The following ITCH variants were observed in gnomAD, a reference collection of about 807,000 sequenced individuals.
The protein encoded by ITCH is itchy E3 ubiquitin protein ligase.
Under a neutral mutation model 126.8 loss-of-function variants are expected in ITCH, and 28 were observed. That is an observed-to-expected ratio of 0.22 (90% CI 0.16 to 0.30). ITCH has a LOEUF of 0.30. Among genes scored for constraint, ITCH ranks in the 10% least tolerant of loss-of-function variants. ITCH has a pLI of 1.00. For synonymous variants in ITCH, 342 were observed against 340.0 expected (o/e 1.01, Z -0.06); for missense variants, 631 against 1,032.4 (o/e 0.61, Z 5.33).
chr20:34,365,111 A>G (rs2037369021), intron 1 of ITCH, among the ~76,000 whole-genome samples: 1 of 151,832 alleles, frequency 6.6e-6, no homozygotes, highest in African/African-American at 2.4e-5. Flanking sequence ...GAGGTGGGGG[A>G]ATCACCTGAT....
intron 13 of ITCH, among the ~76,000 whole-genome samples, chr20:34,458,894 G>C (rs937701111): frequency 6.6e-6 from 1 of 152,208 alleles, no homozygotes; most frequent in African/African-American, 2.4e-5. Context: ...TGAGGGCCAG[G>C]ATATAAACGT....
At chr20:34,411,425 A>T (rs1979021094) in intron 4 of ITCH, among the ~76,000 whole-genome samples, 1 of 152,224 alleles carries the variant, frequency 6.6e-6, no homozygotes, top group African/African-American at 2.4e-5. Context: ...AAGTGCTGGG[A>T]TTACAGGCGT....
intron 3 of ITCH, chr20:34,401,551 C>A: frequency 1.5e-6 from 1 of 658,338 alleles, no homozygotes; most frequent in Non-Finnish European, 1.9e-6. Flanking sequence ...AGTAAAAAGG[C>A]AACTAACTTT....
At chr20:34,457,781 C>T (rs1600391025) in intron 13 of ITCH, among the ~76,000 whole-genome samples, 1 of 152,030 alleles carries the variant, frequency 6.6e-6, no homozygotes, top group South Asian at 2.1e-4. Flanking sequence ...GACCCTGTCT[C>T]TACAAAAAAA....
intron 20 of ITCH, among the ~76,000 whole-genome samples, chr20:34,488,961 C>T (rs1453046316): frequency 2.6e-5 from 4 of 152,236 alleles, no homozygotes; most frequent in Middle Eastern, 3.4e-3. Flanking sequence ...ATTGCTTGAG[C>T]CCAGGAGGTC....
At chr20:34,429,744 G>A (rs1402567871) in intron 7 of ITCH, among the ~76,000 whole-genome samples, 10 of 151,558 alleles carry the variant, frequency 6.6e-5, no homozygotes, top group Non-Finnish European at 1.3e-4. Context: ...TTTGAATCTT[G>A]TTTTTTTTGA....
intron 13 of ITCH, among the ~76,000 whole-genome samples, chr20:34,458,294 T>C (rs1478003898): frequency 2.6e-5 from 4 of 152,186 alleles, no homozygotes; most frequent in Admixed American, 2.6e-4. Context: ...AATACTTGTT[T>C]ACACACATAA....
At chr20:34,488,110 A>G (rs1989255908) in intron 20 of ITCH, among the ~76,000 whole-genome samples, 1 of 150,924 alleles carries the variant, frequency 6.6e-6, no homozygotes, top group African/African-American at 2.4e-5. Context: ...ATTTACTCAC[A>G]TTACTATTTC....
chr20:34,464,390 G>C (rs886922266), intron 14 of ITCH, among the ~76,000 whole-genome samples: 1 of 148,240 alleles, frequency 6.7e-6, no homozygotes, highest in African/African-American at 2.5e-5. Flanking sequence ...GCAATGGTGC[G>C]ATCTCGGCTC....
chr20:34,389,195 T>G (rs552574065), intron 2 of ITCH, among the ~76,000 whole-genome samples: 1 of 152,248 alleles, frequency 6.6e-6, no homozygotes, highest in South Asian at 2.1e-4. Flanking sequence ...AAAATTTTAA[T>G]TAAATAGAAA....
chr20:34,417,074 T>A, intron 6 of ITCH: 10 of 612,136 alleles, frequency 1.6e-5, no homozygotes, highest in Non-Finnish European at 2.7e-5. Context: ...CACACCTGGC[T>A]AATTTTAATT....
At chr20:34,364,856 A>C (rs542664115) in intron 1 of ITCH, among the ~76,000 whole-genome samples, 2 of 133,348 alleles carry the variant, frequency 1.5e-5, no homozygotes, top group Non-Finnish European at 3.1e-5. Context: ...TCGCTGCTGC[A>C]CTCCAGCCTG....
intron 7 of ITCH, among the ~76,000 whole-genome samples, chr20:34,436,172 T>C (rs1237694817): frequency 6.6e-6 from 1 of 152,246 alleles, no homozygotes; most frequent in African/African-American, 2.4e-5. Context: ...ATGCACTGAA[T>C]GTTCCTTCTC....
At chr20:34,453,975 G>A (rs1985560966) in intron 12 of ITCH, among the ~76,000 whole-genome samples, 1 of 151,502 alleles carries the variant, frequency 6.6e-6, no homozygotes, top group African/African-American at 2.4e-5. Context: ...GTCCAGCCTG[G>A]GTGACAGAGC....
intron 14 of ITCH, among the ~76,000 whole-genome samples, chr20:34,464,187 A>G (rs2146384882): frequency 6.8e-6 from 1 of 146,082 alleles, no homozygotes; most frequent in East Asian, 2.0e-4. Flanking sequence ...ACGGGGTTTC[A>G]CCACATTAGC....
rs1450843782 is a variant in ITCH, at chr20:34,413,329, A to G, written c.338-413A>G. On this transcript the variant is annotated intron_variant, in intron 5 of 24. Transcript: ENST00000374864. ...ACACATTTTTTTCTACCCCTCGACT[A>G]TCTAAAACATACTTCTAAAAATTTT... 2.0e-5 allele frequency among the ~76,000 whole-genome samples: 3 copies of G among 152,136 alleles called. No individual in the cohort carries two copies. In the East Asian group the frequency reaches 5.8e-4, roughly 29 times the overall value.
intron 24 of ITCH, among the ~76,000 whole-genome samples, chr20:34,507,281 TTTTTTTTTG>T (rs1376152371): frequency 7.5e-5 from 7 of 93,628 alleles, no homozygotes; most frequent in South Asian, 8.4e-4. Context: ...TTTTTTTTTT[TTTTTTTTTG>T]GTTGTTGTTG....
chr20:34,502,592 C>G (rs1569011303), intron 23 of ITCH, among the ~76,000 whole-genome samples: 1 of 149,276 alleles, frequency 6.7e-6, no homozygotes, highest in Non-Finnish European at 1.5e-5. Context: ...CACCTGTAAT[C>G]CCAGCTACTC....
At chr20:34,440,067 T>C (rs1224125702) in intron 8 of ITCH, 88 bp from the exon 9 acceptor site, 1 of 915,794 alleles carries the variant, frequency 1.1e-6, no homozygotes, top group Non-Finnish European at 1.7e-6. Flanking sequence ...ATATTTATCA[T>C]CTGCCTTTTA....
Sources: allele counts gnomAD v4.1 joint callset (sites outside exome capture counted in the v4.1 genomes callset), GRCh38; gene constraint gnomAD v4.1.1; transcripts MANE v1.5; gene names NCBI Gene and HGNC (gene_info 2026-07-23, HGNC 2026-07-21).